The following RAB11FIP1 variants were observed in gnomAD, a reference collection of about 807,000 sequenced individuals.
RAB11FIP1 encodes the protein RAB11 family interacting protein 1.
In RAB11FIP1, 49 loss-of-function variants were observed where a neutral mutation model predicts 83.1. That is an observed-to-expected ratio of 0.59 (90% CI 0.47 to 0.75). The LOEUF is 0.75. Ranked by LOEUF, RAB11FIP1 falls within the 30% of genes least tolerant of loss-of-function variation. RAB11FIP1 has a pLI of 0.00. For synonymous variants in RAB11FIP1, 670 were observed against 656.0 expected (o/e 1.02, Z -0.33); for missense variants, 1,536 against 1,598.7 (o/e 0.96, Z 0.67).
chr8:37,893,900 A>G (rs1807007765), intron 1 of RAB11FIP1, among the ~76,000 whole-genome samples: 1 of 152,214 alleles, frequency 6.6e-6, no homozygotes, highest in Admixed American at 6.5e-5. Flanking sequence ...CCAACAAAAA[A>G]AAACCATGAG....
chr8:37,888,619 CA>C (rs1049091149), intron 1 of RAB11FIP1, among the ~76,000 whole-genome samples: 1 of 151,880 alleles, frequency 6.6e-6, no homozygotes, highest in Non-Finnish European at 1.5e-5. Context: ...GCTAGGATTA[CA>C]GGCGTGCACC....
chr8:37,895,249 A>T (rs1807052361), intron 1 of RAB11FIP1, among the ~76,000 whole-genome samples: 1 of 11,748 alleles, frequency 8.5e-5, no homozygotes, highest in African/African-American at 4.3e-4. Flanking sequence ...ATATATATAT[A>T]TATATATATA....
intron 1 of RAB11FIP1, among the ~76,000 whole-genome samples, chr8:37,886,241 C>T (rs1806832517): frequency 6.6e-6 from 1 of 152,170 alleles, no homozygotes; most frequent in Admixed American, 6.5e-5. Context: ...TACATTGGGG[C>T]AACTGCTTCC....
In RAB11FIP1 at chr8:37,861,248, ATCT is replaced by A. The variant is rs1376465871; in HGVS notation, c.*1644_*1646del. The A allele has an allele frequency of 6.5e-6, 1 of 153,220 alleles. No individual in the cohort carries two copies. Among genetic ancestry groups the A allele is most frequent in the Non-Finnish European group, 1.5e-5 (1 of 68,734 alleles). 9.5% of individuals were successfully genotyped at this position (153,220 alleles called of 1,614,324 possible). On this transcript the variant is annotated 3_prime_UTR_variant, in exon 6 of 6. Coordinates refer to ENST00000330843, the MANE Select transcript of RAB11FIP1 (RefSeq NM_001002814.3). Reference sequence around the variant, plus strand: ...AAATACAAATTCAAAAATAAGTATCATCTTCTTGCTCTGCACAGTTTTATAACA... The same window carrying A: ...AAATACAAATTCAAAAATAAGTATCATCTTGCTCTGCACAGTTTTATAACA...
chr8:37,883,558 A>G (rs1193371415), intron 1 of RAB11FIP1, among the ~76,000 whole-genome samples: 1 of 152,242 alleles, frequency 6.6e-6, no homozygotes, highest in African/African-American at 2.4e-5. Context: ...CTTTGATAAG[A>G]CAGTGAAAGC....
At chr8:37,863,215 T>C in intron 5 of RAB11FIP1, 102 bp from the exon 6 acceptor site, 1 of 802,522 alleles carries the variant, frequency 1.2e-6, no homozygotes, top group Non-Finnish European at 2.0e-6. Context: ...ACTAGTGATC[T>C]GGGTCTCTTG....
chr8:37,897,618 GAC>G lies in RAB11FIP1; in HGVS notation c.371+1451_371+1452del, dbSNP rs763613984. ...TTTTACTGCAGAAGTGAAATAACCT[GAC>G]ACAATCTTTGGGAGCTACAGGCGAG... is the stretch of plus-strand genomic sequence containing the variant. On this transcript the variant is annotated intron_variant, in intron 1 of 5. Transcript: ENST00000330843. Among the ~76,000 whole-genome samples the G allele has an allele frequency of 4.7e-4, 72 of 151,862 alleles. No individual in the cohort carries two copies. The Middle Eastern group carries it at 0.027, about 57-fold the overall frequency.
rs190226382 is a variant in RAB11FIP1, at chr8:37,859,264, A to G, written c.*3631T>C. ...AGTTCTAGAAAAAGAAAAAAAGTTGACTGGGAGAAGGGTGGGAGGGAGGAT... is the reference window on the plus strand; with the variant it reads ...AGTTCTAGAAAAAGAAAAAAAGTTGGCTGGGAGAAGGGTGGGAGGGAGGAT... On this transcript the variant is annotated 3_prime_UTR_variant, in exon 6 of 6. Coordinates refer to ENST00000330843, the MANE Select transcript of RAB11FIP1 (RefSeq NM_001002814.3). The G allele has an allele frequency of 2.0e-5, 3 of 152,240 alleles. No individual in the cohort carries two copies. Among genetic ancestry groups the G allele is most frequent in the Non-Finnish European group, 4.4e-5 (3 of 68,014 alleles). 9.4% of individuals were successfully genotyped at this position (152,240 alleles called of 1,614,324 possible). A position where few individuals can be genotyped will look rare whatever the true frequency, so the allele number is the denominator to read the frequency against.
chr8:37,863,640 G>A (rs1305284412), intron 5 of RAB11FIP1, among the ~76,000 whole-genome samples: 2 of 152,194 alleles, frequency 1.3e-5, no homozygotes, highest in Non-Finnish European at 2.9e-5. Flanking sequence ...AGCCTTTGCG[G>A]GCCACAGACA....
intron 5 of RAB11FIP1, among the ~76,000 whole-genome samples, chr8:37,864,374 T>C (rs1237112236): frequency 6.6e-6 from 1 of 152,264 alleles, no homozygotes; most frequent in African/African-American, 2.4e-5. Flanking sequence ...TCCTGAAATC[T>C]GTAGCCTGAG....
rs989248463 is a variant in RAB11FIP1 at position 37,880,676 on chromosome 8, C to T, written c.372-3125G>A. Reference sequence around the variant, plus strand: ...ACTTGGGAGGTTGAGGCAGGAGGATCACTTGAACCCAGGAGTTCAAGGCTG... The same window carrying T: ...ACTTGGGAGGTTGAGGCAGGAGGATTACTTGAACCCAGGAGTTCAAGGCTG... On this transcript the variant is annotated intron_variant, in intron 1 of 5. Transcript: ENST00000330843. Among the ~76,000 whole-genome samples, 22 of 150,808 alleles carry T rather than the reference C, an allele frequency of 1.5e-4. 1 individual carries two copies. The Admixed American group carries it at 1.5e-3, about 10-fold the overall frequency.
rs113156453 is a variant in RAB11FIP1, at chr8:37,881,196, T to C, written c.372-3645A>G. On this transcript the variant is annotated intron_variant, in intron 1 of 5. Transcript: ENST00000330843. ...CGGAGTAGATATTATACCCATTTTA[T>C]AGATGAAGAAATTGAAGCTCAGAGG... is the stretch of plus-strand genomic sequence containing the variant. 5.6e-3 allele frequency among the ~76,000 whole-genome samples: 854 copies of C among 152,346 alleles called. 3 individuals carry two copies. The highest frequency in any genetic ancestry group is 0.02 in the African/African-American group (822 of 41,576).
intron 1 of RAB11FIP1, among the ~76,000 whole-genome samples, chr8:37,880,569 C>T (rs971487739): frequency 6.6e-6 from 1 of 152,122 alleles, no homozygotes; most frequent in Non-Finnish European, 1.5e-5. Context: ...GCTGGGATTA[C>T]AGGCATAAGC....
In RAB11FIP1 at chr8:37,871,702, C is replaced by T. The variant is rs1806465187; in HGVS notation, c.3100G>A (p.Ala1034Thr). 3 of 1,613,676 alleles carry T rather than the reference C, an allele frequency of 1.9e-6. No individual in the cohort carries two copies. The highest frequency in any genetic ancestry group is 2.5e-6 in the Non-Finnish European group (3 of 1,180,020). ...GGAGCTGTCACAGATGCCTGGGGTG[C>T]TTGCAGCCTGAAATCACACAGGCCC... ...GEGLCDFRLQ[A>T]PQASVTAPSE... The change falls in exon 4 of 6, where the codon GCA (alanine) becomes ACA (threonine). Residue 1034 changes from alanine (A) to threonine (T), a missense_variant. Ala to Thr is a moderately conservative substitution (Grantham distance 58, BLOSUM62 0). Coordinates refer to ENST00000330843, the MANE Select transcript of RAB11FIP1 (RefSeq NM_001002814.3).
At chr8:37,886,968 G>T (rs1218163827) in intron 1 of RAB11FIP1, among the ~76,000 whole-genome samples, 1 of 152,184 alleles carries the variant, frequency 6.6e-6, no homozygotes, top group African/African-American at 2.4e-5. Context: ...TCTGTGCTGT[G>T]TACCTTCCAG....
intron 1 of RAB11FIP1, among the ~76,000 whole-genome samples, chr8:37,892,601 C>A (rs775166988): frequency 3.3e-5 from 5 of 152,034 alleles, no homozygotes; most frequent in African/African-American, 4.8e-5. Flanking sequence ...CACCCGCCAC[C>A]ATGGCCAGCT....
chr8:37,897,283 T>C (rs73598947), intron 1 of RAB11FIP1, among the ~76,000 whole-genome samples: 2,237 of 151,080 alleles, frequency 0.015, 57 homozygotes, highest in African/African-American at 0.051. Flanking sequence ...CACCCCACAG[T>C]AAAGGGAGCC....
At chr8:37,895,253 A>G (rs1180213230) in intron 1 of RAB11FIP1, among the ~76,000 whole-genome samples, 1 of 12,992 alleles carries the variant, frequency 7.7e-5, no homozygotes, top group African/African-American at 4.0e-4. Flanking sequence ...ATATATATAT[A>G]TATATATTTT....
intron 1 of RAB11FIP1, among the ~76,000 whole-genome samples, chr8:37,892,535 A>C (rs1478026334): frequency 6.6e-6 from 1 of 151,464 alleles, no homozygotes; most frequent in African/African-American, 2.4e-5. Flanking sequence ...GCTCACCGCA[A>C]CCTCTGCTTC....
Sources: allele counts gnomAD v4.1 joint callset (sites outside exome capture counted in the v4.1 genomes callset), GRCh38; gene constraint gnomAD v4.1.1; transcripts MANE v1.5; gene names NCBI Gene and HGNC (gene_info 2026-07-23, HGNC 2026-07-21).